TBCA: variants seen among roughly 807,000 people sequenced by gnomAD.
TBCA encodes the protein tubulin-specific chaperone A.
A neutral mutation model predicts 15.8 loss-of-function variants in TBCA; 6 were observed. That is an observed-to-expected ratio of 0.38 (90% CI 0.21 to 0.75). The LOEUF is 0.75. TBCA is among the 30% of genes least tolerant of loss of function. TBCA has a pLI of 0.46. For synonymous variants in TBCA, 32 were observed against 42.3 expected (o/e 0.76, Z 0.94); for missense variants, 90 against 131.2 (o/e 0.69, Z 1.53).
chr5:77,699,015 T>C (rs1330649921), intron 2 of TBCA, among the ~76,000 whole-genome samples: 19 of 47,068 alleles, frequency 4.0e-4, no homozygotes, highest in African/African-American at 1.7e-3. Context: ...CTAAAAACAA[T>C]ACCATTTGCA....
At chr5:77,747,962 G>A (rs953593176) in intron 1 of TBCA, among the ~76,000 whole-genome samples, 1 of 151,886 alleles carries the variant, frequency 6.6e-6, no homozygotes, top group Non-Finnish European at 1.5e-5. Flanking sequence ...TCTCCAAAGG[G>A]GAGAAATCAA....
At chr5:77,732,550 C>CACAAAAAA (rs1236069449) in intron 1 of TBCA, among the ~76,000 whole-genome samples, 1 of 89,508 alleles carries the variant, frequency 1.1e-5, no homozygotes, top group Admixed American at 1.2e-4. Context: ...GACTCTGTCT[C>CACAAAAAA]AAAAAAAAAA....
chr5:77,749,840 T>A (rs970066367), intron 1 of TBCA, among the ~76,000 whole-genome samples: 15 of 152,240 alleles, frequency 9.9e-5, no homozygotes, highest in Non-Finnish European at 2.1e-4. Context: ...TAGTTTTTTT[T>A]AAATGTGGTA....
At chr5:77,706,031 G>C (rs539594637) in intron 2 of TBCA, among the ~76,000 whole-genome samples, 2 of 152,204 alleles carry the variant, frequency 1.3e-5, no homozygotes, top group African/African-American at 4.8e-5. Context: ...GCCAAGGGAA[G>C]ACACAGCCAA....
chr5:77,717,884 C>T (rs906736577), intron 1 of TBCA, among the ~76,000 whole-genome samples: 2 of 151,544 alleles, frequency 1.3e-5, no homozygotes, highest in African/African-American at 4.9e-5. Flanking sequence ...AATCCCAGCA[C>T]TTTGGGAGGC....
At chr5:77,746,843 C>T (rs938081301) in intron 1 of TBCA, among the ~76,000 whole-genome samples, 1 of 152,048 alleles carries the variant, frequency 6.6e-6, no homozygotes. Flanking sequence ...ATCAATCCAA[C>T]CAACATTTTC....
At chr5:77,755,936 G>A (rs1368096001) in intron 1 of TBCA, among the ~76,000 whole-genome samples, 3 of 152,190 alleles carry the variant, frequency 2.0e-5, no homozygotes, top group Non-Finnish European at 2.9e-5. Context: ...CCCGGGAGGC[G>A]GAGGTTGCGG....
At chr5:77,696,945 TA>T in intron 2 of TBCA, among the ~76,000 whole-genome samples, 1 of 152,130 alleles carries the variant, frequency 6.6e-6, no homozygotes, top group Non-Finnish European at 1.5e-5. Flanking sequence ...CAGGAGTGGC[TA>T]AACTAATACC....
At chr5:77,762,462 G>A (rs1747665148) in intron 1 of TBCA, among the ~76,000 whole-genome samples, 1 of 152,028 alleles carries the variant, frequency 6.6e-6, no homozygotes, top group Admixed American at 6.6e-5. Flanking sequence ...AAGATGAGGG[G>A]TATAATCTGC....
chr5:77,712,056 G>A (rs147009296), intron 1 of TBCA, among the ~76,000 whole-genome samples: 1 of 152,018 alleles, frequency 6.6e-6, no homozygotes, highest in Non-Finnish European at 1.5e-5. Context: ...GGTAAGATGC[G>A]GTATGAGAAA....
At chr5:77,751,109 C>G (rs964272360) in intron 1 of TBCA, among the ~76,000 whole-genome samples, 4 of 151,124 alleles carry the variant, frequency 2.6e-5, no homozygotes, top group Admixed American at 2.0e-4. Flanking sequence ...TATAATGAAG[C>G]CTGTCTGACT....
At chr5:77,713,650 G>GT (rs1580101926) in intron 1 of TBCA, among the ~76,000 whole-genome samples, 2 of 152,210 alleles carry the variant, frequency 1.3e-5, no homozygotes, top group Admixed American at 6.5e-5. Flanking sequence ...TTTGTCATTA[G>GT]TTATTAGTGA....
At chr5:77,706,609 G>A (rs1392103330) in intron 2 of TBCA, among the ~76,000 whole-genome samples, 2 of 151,968 alleles carry the variant, frequency 1.3e-5, no homozygotes, top group South Asian at 2.1e-4. Flanking sequence ...GAGGTCAGGA[G>A]TTCAACAGCC....
At chr5:77,776,110 G>GCCTCGGGCCT in intron 1 of TBCA, 95 bp downstream of exon 1, 1 of 1,473,282 alleles carries the variant, frequency 6.8e-7, no homozygotes, top group Non-Finnish European at 9.2e-7. Context: ...TTCGGAGCCC[G>GCCTCGGGCCT]CCTCGGGCCT....
At chr5:77,706,773 T>C (rs1746159188) in intron 2 of TBCA, among the ~76,000 whole-genome samples, 1 of 135,828 alleles carries the variant, frequency 7.4e-6, no homozygotes, top group Non-Finnish European at 1.5e-5. Flanking sequence ...ATTGCACCAC[T>C]GCACTCCAGC....
chr5:77,750,202 A>G (rs965054463), intron 1 of TBCA, among the ~76,000 whole-genome samples: 2 of 151,792 alleles, frequency 1.3e-5, no homozygotes, highest in African/African-American at 2.4e-5. Flanking sequence ...ACACACACAC[A>G]TATTTGTGCC....
At chr5:77,767,038 C>T (rs1747795685) in intron 1 of TBCA, among the ~76,000 whole-genome samples, 1 of 152,152 alleles carries the variant, frequency 6.6e-6, no homozygotes, top group African/African-American at 2.4e-5. Flanking sequence ...TATAGTGCAG[C>T]GTCTTCAGAA....
intron 1 of TBCA, among the ~76,000 whole-genome samples, chr5:77,759,608 A>G (rs1206930328): frequency 6.6e-6 from 1 of 152,208 alleles, no homozygotes; most frequent in African/African-American, 2.4e-5. Context: ...TTATTACACA[A>G]TATAATCCAA....
intron 1 of TBCA, among the ~76,000 whole-genome samples, chr5:77,729,370 G>A (rs1416959364): frequency 6.6e-6 from 1 of 152,022 alleles, no homozygotes; most frequent in Non-Finnish European, 1.5e-5. Flanking sequence ...TCTCCATTAG[G>A]CTAGCCCATT....
Sources: allele counts gnomAD v4.1 joint callset (sites outside exome capture counted in the v4.1 genomes callset), GRCh38; gene constraint gnomAD v4.1.1; transcripts MANE v1.5; gene names NCBI Gene and HGNC (gene_info 2026-07-23, HGNC 2026-07-21).